GRIP1: variants seen among roughly 807,000 people sequenced by gnomAD.
The protein encoded by GRIP1 is glutamate receptor-interacting protein 1.
In GRIP1, 45 loss-of-function variants were observed where a neutral mutation model predicts 129.9. The ratio of observed to expected loss-of-function variants is 0.35; its 90% CI spans 0.27 to 0.44. The LOEUF (loss-of-function observed/expected upper bound fraction) is 0.44, where lower values mean the gene tolerates loss of function less well. Ranked by LOEUF, GRIP1 falls within the 20% of genes least tolerant of loss-of-function variation. GRIP1 has a pLI of 1.00. For missense variants in GRIP1, 1,196 were observed against 1,396.8 expected (o/e 0.86, Z 2.29); for synonymous variants, 530 against 520.8 (o/e 1.02, Z -0.24).
At chr12:66,983,936 G>T (rs1402413191) in intron 1 of GRIP1, among the ~76,000 whole-genome samples, 2 of 152,102 alleles carry the variant, frequency 1.3e-5, no homozygotes, top group Non-Finnish European at 2.9e-5. Context: ...CACCAAGGGA[G>T]ATTTAAAACC....
At chr12:66,406,515 TG>T in intron 15 of GRIP1, 87 bp from the exon 16 acceptor site, 1 of 1,275,030 alleles carries the variant, frequency 7.8e-7, no homozygotes, top group Non-Finnish European at 1.1e-6. Flanking sequence ...TGCAGCATTA[TG>T]GTAGTCTTTA....
intron 1 of GRIP1, among the ~76,000 whole-genome samples, chr12:66,716,234 T>C (rs1203885131): frequency 6.6e-6 from 1 of 152,080 alleles, no homozygotes; most frequent in East Asian, 1.9e-4. Flanking sequence ...TTAATTTGCA[T>C]TTTTTCCTTA....
chr12:66,884,286 G>A (rs2040527059), intron 1 of GRIP1, among the ~76,000 whole-genome samples: 1 of 150,072 alleles, frequency 6.7e-6, no homozygotes, highest in African/African-American at 2.5e-5. Flanking sequence ...TAGAACTCTT[G>A]CCAGCCACAA....
At chr12:66,621,847 T>C (rs2065281173) in intron 1 of GRIP1, among the ~76,000 whole-genome samples, 1 of 152,172 alleles carries the variant, frequency 6.6e-6, no homozygotes, top group South Asian at 2.1e-4. Context: ...ATGTCTAGTA[T>C]TGCTGAGTAT....
At chr12:66,870,528 G>A (rs1415852918) in intron 1 of GRIP1, among the ~76,000 whole-genome samples, 1 of 152,140 alleles carries the variant, frequency 6.6e-6, no homozygotes, top group African/African-American at 2.4e-5. Flanking sequence ...AGCTTAAACT[G>A]TTAGACTGAA....
At chr12:66,358,646 G>A (rs554898862) in intron 23 of GRIP1, among the ~76,000 whole-genome samples, 4 of 152,040 alleles carry the variant, frequency 2.6e-5, no homozygotes, top group South Asian at 2.1e-4. Context: ...ACAGGGTTTC[G>A]CCATGTTGGC....
At chr12:66,720,297 T>C (rs1381709964) in intron 1 of GRIP1, among the ~76,000 whole-genome samples, 1 of 152,180 alleles carries the variant, frequency 6.6e-6, no homozygotes, top group East Asian at 1.9e-4. Flanking sequence ...ATTTCATTGC[T>C]AAACAAAAAA....
At chr12:67,003,275 T>C (rs2042578365) in intron 1 of GRIP1, among the ~76,000 whole-genome samples, 1 of 152,192 alleles carries the variant, frequency 6.6e-6, no homozygotes, top group Non-Finnish European at 1.5e-5. Context: ...GCTAAAGGAA[T>C]GGATAAATTG....
chr12:66,509,595 C>T (rs2060635013), intron 7 of GRIP1, among the ~76,000 whole-genome samples: 1 of 152,094 alleles, frequency 6.6e-6, no homozygotes, highest in Admixed American at 6.6e-5. Flanking sequence ...GATACATATA[C>T]ACTATAGAAT....
At chr12:66,722,924 T>C (rs1166276298) in intron 1 of GRIP1, among the ~76,000 whole-genome samples, 1 of 152,110 alleles carries the variant, frequency 6.6e-6, no homozygotes, top group Non-Finnish European at 1.5e-5. Context: ...CTCCTATAAC[T>C]TTATTTTGCT....
chr12:66,949,748 T>C (rs2041725361), intron 1 of GRIP1, among the ~76,000 whole-genome samples: 2 of 147,600 alleles, frequency 1.4e-5, no homozygotes, highest in East Asian at 2.0e-4. Context: ...CTGATAACAC[T>C]GCATGCTCCT....
chr12:66,534,059 TCTGAG>T (rs935461397), intron 4 of GRIP1, among the ~76,000 whole-genome samples: 1 of 152,158 alleles, frequency 6.6e-6, no homozygotes, highest in African/African-American at 2.4e-5. Flanking sequence ...GCTCTAGCTG[TCTGAG>T]CTAAGTGAAA....
At chr12:66,451,399 T>G (rs1345748906) in intron 11 of GRIP1, among the ~76,000 whole-genome samples, 1 of 106,728 alleles carries the variant, frequency 9.4e-6, no homozygotes, top group Non-Finnish European at 1.9e-5. Flanking sequence ...TTTTTTTTTT[T>G]TTTTTTTTTT....
At chr12:66,664,385 TCTAAC>T (rs1343522261) in intron 1 of GRIP1, among the ~76,000 whole-genome samples, 2 of 152,252 alleles carry the variant, frequency 1.3e-5, no homozygotes, top group African/African-American at 4.8e-5. Flanking sequence ...AATTATAGTC[TCTAAC>T]ATACATTAGA....
intron 1 of GRIP1, among the ~76,000 whole-genome samples, chr12:67,022,496 T>C (rs1420846373): frequency 6.6e-6 from 1 of 152,204 alleles, no homozygotes; most frequent in Non-Finnish European, 1.5e-5. Flanking sequence ...ATTTTAACTA[T>C]TCCAGAAACT....
intron 1 of GRIP1, among the ~76,000 whole-genome samples, chr12:66,770,511 A>G (rs137877674): frequency 1.3e-5 from 2 of 152,250 alleles, no homozygotes; most frequent in Admixed American, 6.5e-5. Context: ...TAATCTTTTC[A>G]AAAAAGATTA....
At chr12:66,600,227 T>C (rs534595938) in intron 1 of GRIP1, among the ~76,000 whole-genome samples, 1 of 152,334 alleles carries the variant, frequency 6.6e-6, no homozygotes, top group Non-Finnish European at 1.5e-5. Context: ...GCAATGTCAA[T>C]ATAGCTCACT....
chr12:66,472,851 G>T (rs527619946), intron 7 of GRIP1, among the ~76,000 whole-genome samples: 1 of 152,218 alleles, frequency 6.6e-6, no homozygotes, highest in South Asian at 2.1e-4. Context: ...ATGCTCTCTG[G>T]TGCCTAGGCC....
intron 23 of GRIP1, among the ~76,000 whole-genome samples, chr12:66,358,473 G>A (rs2054597189): frequency 6.6e-6 from 1 of 151,874 alleles, no homozygotes; most frequent in African/African-American, 2.4e-5. Context: ...TTGAGACAGG[G>A]TCTCACTCTG....
Sources: gnomAD v4.1 joint callset for allele counts (sites outside exome capture counted in the v4.1 genomes callset) on GRCh38, gnomAD v4.1.1 for gene constraint, MANE v1.5 for transcripts, NCBI Gene and HGNC (gene_info 2026-07-23, HGNC 2026-07-21) for gene names.